DLC1: variants seen among roughly 807,000 people sequenced by gnomAD.
DLC1 encodes DLC1 Rho GTPase activating protein.
A neutral mutation model predicts 140.3 loss-of-function variants in DLC1; 54 were observed. That is an observed-to-expected ratio of 0.38 (90% confidence interval 0.31 to 0.48). The LOEUF is 0.48. DLC1 is among the 20% of genes least tolerant of loss of function. The pLI is 0.96. For missense variants in DLC1, 2,536 were observed against 1,907.0 expected (o/e 1.33, Z -6.14); for synonymous variants, 986 against 728.1 (o/e 1.35, Z -5.70).
rs1818176027 is a variant in DLC1 at position 13,092,695 on chromosome 8, C to T, written c.3657G>A (p.Gln1219=). Residue 1219 remains glutamine, a synonymous_variant, in exon 13 of 18, where the codon CAG becomes CAA. Transcript: ENST00000276297. ...SDVTAAVKEN[Q]MTPTNLAVCL... is the part of the protein sequence containing the mutation. ...ACACGGCCAGGTTGGTTGGGGTCATCTGGTTTTCTTTTACGGCTGCTGTGA... is the reference window on the plus strand; with the variant it reads ...ACACGGCCAGGTTGGTTGGGGTCATTTGGTTTTCTTTTACGGCTGCTGTGA... 3.1e-6 allele frequency: 5 copies of T among 1,614,138 alleles called. No individual in the cohort carries two copies. The highest frequency in any genetic ancestry group is 1.1e-5 in the South Asian group (1 of 91,084).
At chr8:13,134,060 G>C (rs1282174267) in intron 5 of DLC1, among the ~76,000 whole-genome samples, 1 of 152,214 alleles carries the variant, frequency 6.6e-6, no homozygotes, top group Non-Finnish European at 1.5e-5. Flanking sequence ...GCTGGGGTCT[G>C]ACTGCATAAT....
intron 7 of DLC1, among the ~76,000 whole-genome samples, chr8:13,105,872 C>A (rs969484042): frequency 6.6e-6 from 1 of 152,126 alleles, no homozygotes. Flanking sequence ...GCCACTGCAC[C>A]CGGCAATCTG....
At position 13,454,293 on chromosome 8, in the gene DLC1, G is replaced by GT. The variant is rs1310523610; in HGVS notation, c.1023+44755dup. On this transcript the variant is annotated intron_variant, in intron 2 of 17. Transcript: ENST00000276297. ...TGAAATATGAGAAAATGAAGAAGCA[G>GT]TTGGAAAAAAATTGATTTTCTTGGT... Among the ~76,000 whole-genome samples, 14 of 151,826 alleles carry GT rather than the reference G, an allele frequency of 9.2e-5. No homozygotes were observed. The South Asian group carries it at 2.7e-3, about 29-fold the overall frequency.
At chr8:13,453,529 T>G (rs868138118) in intron 2 of DLC1, among the ~76,000 whole-genome samples, 23 of 53,752 alleles carry the variant, frequency 4.3e-4, no homozygotes, top group African/African-American at 3.0e-4. Flanking sequence ...TATATATATG[T>G]ATATATATAC....
chr8:13,600,968 ATTAT>A (rs1431568624), intron 1 of DLC1, among the ~76,000 whole-genome samples: 4 of 151,722 alleles, frequency 2.6e-5, no homozygotes, highest in African/African-American at 7.3e-5. Context: ...TTTATATTTT[ATTAT>A]TTGTTTATTC....
At chr8:13,447,309 C>T (rs1391445795) in intron 2 of DLC1, among the ~76,000 whole-genome samples, 1 of 152,168 alleles carries the variant, frequency 6.6e-6, no homozygotes, top group Non-Finnish European at 1.5e-5. Context: ...GTTAATATTA[C>T]ATAATTCTTA....
At chr8:13,479,022 C>A (rs1161366250) in intron 2 of DLC1, among the ~76,000 whole-genome samples, 2 of 152,162 alleles carry the variant, frequency 1.3e-5, no homozygotes, top group African/African-American at 4.8e-5. Flanking sequence ...AGCTTTTTCA[C>A]CCAGCTTCTA....
chr8:13,132,207 G>A (rs988610645), intron 5 of DLC1, among the ~76,000 whole-genome samples: 1 of 96,248 alleles, frequency 1.0e-5, no homozygotes, highest in Non-Finnish European at 2.4e-5. Context: ...AACCAAAACT[G>A]TGTGTGTGTG....
intron 1 of DLC1, among the ~76,000 whole-genome samples, chr8:13,599,549 T>C (rs905531759): frequency 7.9e-5 from 12 of 151,934 alleles, no homozygotes; most frequent in Non-Finnish European, 1.8e-4. Flanking sequence ...GAAGAAGGCA[T>C]GAACAAAGAA....
chr8:13,125,786 C>T (rs1821508818), intron 5 of DLC1, among the ~76,000 whole-genome samples: 1 of 151,516 alleles, frequency 6.6e-6, no homozygotes, highest in South Asian at 2.1e-4. Context: ...CATACATATA[C>T]AGCTTTCTAT....
intron 1 of DLC1, among the ~76,000 whole-genome samples, chr8:13,538,780 G>T (rs374907105): frequency 2.6e-5 from 4 of 152,180 alleles, no homozygotes; most frequent in African/African-American, 9.7e-5. Context: ...TCAGACTGCT[G>T]ACTCCAACTC....
At chr8:13,545,596 A>G (rs972070279) in intron 1 of DLC1, among the ~76,000 whole-genome samples, 6 of 152,094 alleles carry the variant, frequency 3.9e-5, no homozygotes, top group African/African-American at 1.4e-4. Context: ...CTATTTGTGT[A>G]ATATACTTTG....
At chr8:13,344,860 G>A (rs1834253651) in intron 4 of DLC1, among the ~76,000 whole-genome samples, 1 of 152,174 alleles carries the variant, frequency 6.6e-6, no homozygotes, top group South Asian at 2.1e-4. Context: ...CATGTAGTGT[G>A]AAAGGAAAAC....
chr8:13,370,469 G>C (rs1018056206), intron 4 of DLC1, among the ~76,000 whole-genome samples: 1 of 151,920 alleles, frequency 6.6e-6, no homozygotes, highest in South Asian at 2.1e-4. Flanking sequence ...CCTGTCTGTG[G>C]GTTACACTCC....
At chr8:13,172,110 C>T (rs1379642644) in intron 5 of DLC1, among the ~76,000 whole-genome samples, 1 of 152,146 alleles carries the variant, frequency 6.6e-6, no homozygotes, top group African/African-American at 2.4e-5. Flanking sequence ...GATAACAAAA[C>T]ATTTTATAGA....
intron 2 of DLC1, among the ~76,000 whole-genome samples, chr8:13,440,175 T>G (rs1237349560): frequency 6.6e-6 from 1 of 152,200 alleles, no homozygotes; most frequent in Non-Finnish European, 1.5e-5. Context: ...AGGTTTCTCA[T>G]TTCGATCATA....
intron 5 of DLC1, among the ~76,000 whole-genome samples, chr8:13,250,379 C>A (rs1374063561): frequency 6.6e-6 from 1 of 152,174 alleles, no homozygotes; most frequent in Non-Finnish European, 1.5e-5. Context: ...AGTATCATTT[C>A]TTCACTCCCA....
At chr8:13,348,175 A>G (rs1298718403) in intron 4 of DLC1, among the ~76,000 whole-genome samples, 1 of 152,178 alleles carries the variant, frequency 6.6e-6, no homozygotes, top group Non-Finnish European at 1.5e-5. Context: ...CATCTTGTGT[A>G]TATGTGGAGG....
intron 5 of DLC1, among the ~76,000 whole-genome samples, chr8:13,126,891 C>T (rs867321319): frequency 1.6e-4 from 24 of 152,058 alleles, no homozygotes; most frequent in African/African-American, 7.3e-5. Context: ...ATAGCAGGAA[C>T]GTCTATTAAA....
Sources: allele counts gnomAD v4.1 joint callset (sites outside exome capture counted in the v4.1 genomes callset), GRCh38; gene constraint gnomAD v4.1.1; transcripts MANE v1.5; gene names NCBI Gene and HGNC (gene_info 2026-07-23, HGNC 2026-07-21).